ZNF606: variants seen among roughly 807,000 people sequenced by gnomAD.
The protein encoded by ZNF606 is zinc finger protein 606.
ZNF606 carries 37 observed loss-of-function variants against 74.9 expected under a neutral mutation model. The ratio of observed to expected loss-of-function variants is 0.49; its 90% confidence interval spans 0.38 to 0.65. The LOEUF (loss-of-function observed/expected upper bound fraction) is 0.65, where lower values mean the gene tolerates loss of function less well. Among genes scored for constraint, ZNF606 ranks in the 30% least tolerant of loss-of-function variants. ZNF606 has a pLI of 0.00. For synonymous variants in ZNF606, 328 were observed against 312.4 expected (o/e 1.05, Z -0.53); for missense variants, 852 against 952.9 (o/e 0.89, Z 1.39).
intron 6 of ZNF606, among the ~76,000 whole-genome samples, chr19:57,982,592 T>G (rs2123275560): frequency 1.3e-5 from 2 of 152,258 alleles, no homozygotes; most frequent in Middle Eastern, 6.8e-3. Context: ...GCTTCTTTTT[T>G]TCTCTTTACT....
At chr19:58,000,248 G>A (rs1419072102) in intron 3 of ZNF606, 3 of 415,744 alleles carry the variant, frequency 7.2e-6, no homozygotes, top group Non-Finnish European at 1.3e-5. Context: ...TTGAGACTGA[G>A]TCTCGCTCTG....
At chr19:57,990,592 C>T (rs918571284) in intron 4 of ZNF606, among the ~76,000 whole-genome samples, 2 of 150,692 alleles carry the variant, frequency 1.3e-5, no homozygotes, top group African/African-American at 2.4e-5. Flanking sequence ...TCAACAGACA[C>T]GTGTGCAGTA....
Position 57,978,386 on chromosome 19 carries a change from A to C in ZNF606, c.2294T>G (p.Ile765Arg). 1 of 1,613,184 alleles carries C rather than the reference A, an allele frequency of 6.2e-7. No individual in the cohort carries two copies. The highest frequency in any genetic ancestry group is 1.1e-5 in the South Asian group (1 of 91,036). The stretch of plus-strand genomic sequence containing the variant: ...AAAGGCTTTTCCACATTCACTGCAT[A>C]TAAAGCGTTTCTCTCCACTATGCAT... The part of the protein sequence containing the change: ...QRMHSGEKRF[I>R]CSECGKAFSG... The change falls in exon 7 of 7, where the codon ATA (isoleucine) becomes AGA (arginine). Residue 765 changes from isoleucine to arginine, a missense_variant. Ile to Arg is a moderately conservative substitution (Grantham distance 97, BLOSUM62 -3). Coordinates refer to ENST00000551380, the MANE Select transcript of ZNF606 (RefSeq NM_001348022.3). This position sits in a 1 kb window ranked among gnomAD's most constrained non-coding sequence, Gnocchi z 4.4.
intron 4 of ZNF606, among the ~76,000 whole-genome samples, chr19:57,995,436 G>A (rs1007986709): frequency 1.3e-5 from 2 of 152,060 alleles, no homozygotes; most frequent in Non-Finnish European, 2.9e-5. Context: ...AAAGGAACAA[G>A]CCTGACTTCT....
chr19:57,988,382 C>G (rs1600220365), intron 5 of ZNF606, 80 bp from the exon 6 acceptor site: 1 of 1,457,968 alleles, frequency 6.9e-7, no homozygotes, highest in Middle Eastern at 1.8e-4. Context: ...CCTATTCCTC[C>G]CTGTGACTTC....
At chr19:57,990,470 G>A (rs1568579986) in intron 4 of ZNF606, among the ~76,000 whole-genome samples, 1 of 150,920 alleles carries the variant, frequency 6.6e-6, no homozygotes, top group African/African-American at 2.4e-5. Flanking sequence ...GGCCCAGGAG[G>A]TGGAGGCTGC....
chr19:57,977,397 A>T lies in ZNF606; in HGVS notation c.*904T>A, dbSNP rs2073006446. 6.6e-6 allele frequency: 1 copy of T among 152,220 alleles called. No individual in the cohort carries two copies. The highest frequency in any genetic ancestry group is 1.5e-5 in the Non-Finnish European group (1 of 68,028). 9.4% of individuals were successfully genotyped at this position (152,220 alleles called of 1,614,324 possible). ...GTTATATGTATTTGTAAAACTTTTT[A>T]AAAATCTCAACTGGGTTAACTTTTC... On this transcript the variant is annotated 3_prime_UTR_variant, in exon 7 of 7. Coordinates refer to ENST00000551380, the MANE Select transcript of ZNF606 (RefSeq NM_001348022.3).
At chr19:57,984,702 A>C (rs900350404) in intron 6 of ZNF606, among the ~76,000 whole-genome samples, 5 of 152,234 alleles carry the variant, frequency 3.3e-5, no homozygotes, top group African/African-American at 1.2e-4. Context: ...TGTCAGTGAA[A>C]ATGGCCAAGT....
intron 4 of ZNF606, among the ~76,000 whole-genome samples, chr19:57,991,094 C>T (rs567441931): frequency 4.8e-4 from 73 of 152,242 alleles, no homozygotes; most frequent in Admixed American, 5.9e-4. Context: ...AGTGCACCCT[C>T]GCCTTCTCTC....
At chr19:57,984,487 G>C (rs1198523853) in intron 6 of ZNF606, among the ~76,000 whole-genome samples, 1 of 152,246 alleles carries the variant, frequency 6.6e-6, no homozygotes, top group African/African-American at 2.4e-5. Context: ...CCCTCCATTA[G>C]AGTGGGTGGA....
chr19:57,989,334 T>C (rs151166069), intron 4 of ZNF606, among the ~76,000 whole-genome samples: 201 of 88,032 alleles, frequency 2.3e-3, no homozygotes, highest in African/African-American at 8.1e-3. Context: ...TCTAAACTGA[T>C]TTTTTTTTTT....
At chr19:57,980,311 A>G in intron 6 of ZNF606, 32 bp from the exon 7 acceptor site, 1 of 1,562,170 alleles carries the variant, frequency 6.4e-7, no homozygotes, top group South Asian at 1.2e-5. Flanking sequence ...CTATGAGAGC[A>G]TAGAGAAAGA....
intron 4 of ZNF606, among the ~76,000 whole-genome samples, chr19:57,996,277 A>G (rs976309923): frequency 3.9e-5 from 6 of 152,206 alleles, no homozygotes; most frequent in Non-Finnish European, 8.8e-5. Flanking sequence ...CAAGGCAGGC[A>G]AATCACCTGA....
At chr19:57,986,862 T>C (rs746767939) in intron 6 of ZNF606, among the ~76,000 whole-genome samples, 7 of 152,134 alleles carry the variant, frequency 4.6e-5, no homozygotes, top group African/African-American at 1.4e-4. Context: ...GGCAGGAGGA[T>C]TGCTTGTGCA....
rs766864262 is a variant in ZNF606 at position 58,000,715 on chromosome 19, C to T, written c.56G>A (p.Gly19Glu). 53 of 1,610,524 alleles carry T rather than the reference C, an allele frequency of 3.3e-5. No homozygotes were observed. The highest frequency in any genetic ancestry group is 4.3e-5 in the Non-Finnish European group (51 of 1,178,080). The change falls in exon 3 of 7, where the codon GGG (glycine) becomes GAG (glutamate). Residue 19 changes from glycine (G) to glutamate (E), a missense_variant. Gly to Glu is a moderately conservative substitution (Grantham distance 98, BLOSUM62 -2). Around this residue, in one of 3 missense-constraint regions of ZNF606, gnomAD observed 545 missense variants for 542.5 expected, o/e 1.00. Coordinates refer to ENST00000551380, the MANE Select transcript of ZNF606 (RefSeq NM_001348022.3). Reference protein sequence around the residue: ...SWGALTDQSWGMTAVDPWASW... With the variant: ...SWGALTDQSWEMTAVDPWASW... ...GGCCCATGGGTCAACAGCTGTCATCCCCCAAGATTGGTCCGTAAGGGCACC... is the reference window on the plus strand; with the variant it reads ...GGCCCATGGGTCAACAGCTGTCATCTCCCAAGATTGGTCCGTAAGGGCACC...
rs547557128 is a variant in ZNF606 at position 57,988,526 on chromosome 19, C to T, written c.304+69G>A. 4.3e-5 allele frequency: 67 copies of T among 1,562,336 alleles called. No homozygotes were observed. In the African/African-American group the frequency reaches 6.9e-4, roughly 16 times the overall value. Reference sequence around the variant, plus strand: ...CCACCCTCGCCCCTGCAATGAGCTTCTAAACATGGAGCAGCTGAAGGCATT... The same window carrying T: ...CCACCCTCGCCCCTGCAATGAGCTTTTAAACATGGAGCAGCTGAAGGCATT... On this transcript the variant is annotated intron_variant, in intron 5 of 6. Transcript: ENST00000551380.
At chr19:57,982,618 C>G (rs2073102069) in intron 6 of ZNF606, among the ~76,000 whole-genome samples, 1 of 152,058 alleles carries the variant, frequency 6.6e-6, no homozygotes. Flanking sequence ...TAATTTCCCC[C>G]CTTTTACCAC....
At chr19:57,982,652 A>T (rs1032656510) in intron 6 of ZNF606, among the ~76,000 whole-genome samples, 2 of 151,372 alleles carry the variant, frequency 1.3e-5, no homozygotes, top group Non-Finnish European at 2.9e-5. Context: ...TTTTTGTTTA[A>T]TTTTTTTGAG....
upstream of ZNF606, chr19:58,003,001 CA>C (rs900728384): frequency 3.5e-5 from 16 of 453,752 alleles, 1 homozygote; most frequent in Non-Finnish European, 7.1e-5. Context: ...GTCCCGGTCC[CA>C]GACCACCCTC....
Sources: allele counts gnomAD v4.1 joint callset (sites outside exome capture counted in the v4.1 genomes callset), GRCh38; gene constraint gnomAD v4.1.1; regional missense constraint gnomAD v4.1.1; non-coding constraint Gnocchi (gnomAD v3.1); transcripts MANE v1.5; gene names NCBI Gene and HGNC (gene_info 2026-07-23, HGNC 2026-07-21).